GRID2: variants seen among roughly 807,000 people sequenced by gnomAD.
GRID2 encodes the protein glutamate ionotropic receptor delta type subunit 2.
Under a neutral mutation model 114.8 loss-of-function variants are expected in GRID2, and 33 were observed. The ratio of observed to expected loss-of-function variants is 0.29; its 90% confidence interval spans 0.22 to 0.38. The LOEUF is 0.38. Among genes scored for constraint, GRID2 ranks in the 10% least tolerant of loss-of-function variants. The pLI is 1.00. For synonymous variants in GRID2, 505 were observed against 449.9 expected (o/e 1.12, Z -1.55); for missense variants, 1,184 against 1,257.7 (o/e 0.94, Z 0.89).
intron 2 of GRID2, among the ~76,000 whole-genome samples, chr4:92,824,808 T>G (rs934588103): frequency 1.3e-5 from 2 of 152,112 alleles, no homozygotes; most frequent in Admixed American, 1.3e-4. Flanking sequence ...ACTTTACCTT[T>G]AGATATTGTT....
intron 1 of GRID2, among the ~76,000 whole-genome samples, chr4:92,513,983 C>G (rs1487937047): frequency 6.6e-6 from 1 of 151,828 alleles, no homozygotes; most frequent in Non-Finnish European, 1.5e-5. Flanking sequence ...AGGACCTAAG[C>G]TGTATTTTCA....
At chr4:93,292,027 A>G (rs1753810427) in intron 8 of GRID2, among the ~76,000 whole-genome samples, 1 of 152,186 alleles carries the variant, frequency 6.6e-6, no homozygotes, top group Non-Finnish European at 1.5e-5. Context: ...AATGGGGCCA[A>G]GAGAGCACCA....
At chr4:93,654,527 GC>G (rs1033010959) in intron 14 of GRID2, among the ~76,000 whole-genome samples, 2 of 152,104 alleles carry the variant, frequency 1.3e-5, no homozygotes, top group Non-Finnish European at 2.9e-5. Context: ...AGAATGAACT[GC>G]CTTGATTGCT....
chr4:93,518,725 AC>A (rs1275857933), intron 13 of GRID2, among the ~76,000 whole-genome samples: 5 of 152,096 alleles, frequency 3.3e-5, no homozygotes, highest in Admixed American at 2.6e-4. Flanking sequence ...GGAAGGCTTC[AC>A]TAAGAAAATA....
intron 1 of GRID2, among the ~76,000 whole-genome samples, chr4:92,515,731 A>G (rs1724467345): frequency 6.6e-6 from 1 of 151,958 alleles, no homozygotes; most frequent in Admixed American, 6.6e-5. Flanking sequence ...TTTATTGAGT[A>G]CCTACTAACG....
intron 2 of GRID2, among the ~76,000 whole-genome samples, chr4:92,639,440 G>T (rs987165731): frequency 6.6e-6 from 1 of 151,636 alleles, no homozygotes; most frequent in Non-Finnish European, 1.5e-5. Context: ...TTCTCATAGG[G>T]CATTGAAAGA....
chr4:92,985,391 T>C (rs1258434334), intron 2 of GRID2, among the ~76,000 whole-genome samples: 1 of 151,882 alleles, frequency 6.6e-6, no homozygotes, highest in Non-Finnish European at 1.5e-5. Context: ...CCCGCCACCA[T>C]GCCGGGCTAA....
intron 2 of GRID2, among the ~76,000 whole-genome samples, chr4:92,718,486 G>T (rs1269740130): frequency 2.0e-5 from 3 of 151,914 alleles, no homozygotes; most frequent in Non-Finnish European, 4.4e-5. Flanking sequence ...AAAATTTCAG[G>T]CCAGGAATGG....
intron 2 of GRID2, among the ~76,000 whole-genome samples, chr4:92,898,964 A>G (rs1483846083): frequency 6.6e-6 from 1 of 152,164 alleles, no homozygotes; most frequent in East Asian, 1.9e-4. Context: ...AAAGAGTTTT[A>G]CACAACATAA....
chr4:93,201,620 A>G (rs1742115315), intron 4 of GRID2, among the ~76,000 whole-genome samples: 1 of 152,220 alleles, frequency 6.6e-6, no homozygotes, highest in Admixed American at 6.5e-5. Flanking sequence ...TAATTTAGTT[A>G]AGCCACAAGG....
In GRID2 at chr4:93,231,775, T is replaced by C. The variant is rs148011049; in HGVS notation, c.1126-6596T>C. Among the ~76,000 whole-genome samples the C allele has an allele frequency of 4.9e-3, 744 of 152,284 alleles. 7 individuals are homozygous for C. The highest frequency in any genetic ancestry group is 0.017 in the African/African-American group (715 of 41,580). On this transcript the variant is annotated intron_variant, in intron 7 of 15. Transcript: ENST00000282020. ...CTGGTATTGTATTTGCATCAAACTT[T>C]CATCTCTTCCTCTGTCCAGTCCCTC...
intron 13 of GRID2, among the ~76,000 whole-genome samples, chr4:93,561,135 G>A (rs1316869867): frequency 6.6e-6 from 1 of 152,060 alleles, no homozygotes; most frequent in African/African-American, 2.4e-5. Flanking sequence ...GTCAGATAAT[G>A]GAATGGACAA....
intron 3 of GRID2, among the ~76,000 whole-genome samples, chr4:93,093,680 C>G (rs1730966193): frequency 6.6e-6 from 1 of 151,958 alleles, no homozygotes; most frequent in Non-Finnish European, 1.5e-5. Flanking sequence ...GCATTTTCCC[C>G]TCTTCCCCCA....
At chr4:93,343,454 A>T (rs1759867956) in intron 8 of GRID2, among the ~76,000 whole-genome samples, 1 of 152,108 alleles carries the variant, frequency 6.6e-6, no homozygotes, top group African/African-American at 2.4e-5. Flanking sequence ...TGTACGCTTC[A>T]TAAGACATTC....
chr4:92,342,567 T>C (rs1302336626), intron 1 of GRID2, among the ~76,000 whole-genome samples: 1 of 152,232 alleles, frequency 6.6e-6, no homozygotes, highest in Non-Finnish European at 1.5e-5. Context: ...TCATAACCTA[T>C]ACATATCAAT....
intron 2 of GRID2, among the ~76,000 whole-genome samples, chr4:92,742,435 T>A (rs1736938767): frequency 6.6e-6 from 1 of 152,118 alleles, no homozygotes; most frequent in Non-Finnish European, 1.5e-5. Context: ...TTCTTCTTCA[T>A]TTCTGTGTTA....
chr4:93,772,492 C>T lies in GRID2; in HGVS notation c.3018C>T (p.Ser1006=). The change falls in exon 16 of 16, where the codon TCC becomes TCT. Residue 1006 remains serine, a synonymous_variant. Transcript: ENST00000282020. ...NLGNDPDRGT[S]I is the part of the protein sequence containing the mutation. ...GTAATGATCCAGACCGAGGCACCTCCATATGAGCATCAAACAAATCTCTTC... is the reference window on the plus strand; with the variant it reads ...GTAATGATCCAGACCGAGGCACCTCTATATGAGCATCAAACAAATCTCTTC... 1.3e-6 allele frequency: 2 copies of T among 1,573,982 alleles called. No homozygotes were observed. Among genetic ancestry groups the T allele is most frequent in the Non-Finnish European group, 1.7e-6 (2 of 1,160,684 alleles).
At chr4:93,269,306 A>G (rs1751179553) in intron 8 of GRID2, among the ~76,000 whole-genome samples, 1 of 152,196 alleles carries the variant, frequency 6.6e-6, no homozygotes, top group African/African-American at 2.4e-5. Context: ...ATTTTTAAAA[A>G]AAGTTTTTGG....
intron 14 of GRID2, among the ~76,000 whole-genome samples, chr4:93,697,518 A>G (rs1727122477): frequency 6.6e-6 from 1 of 152,076 alleles, no homozygotes; most frequent in South Asian, 2.1e-4. Context: ...TTGGAAGCCA[A>G]GGTGGATTTG....
Sources: allele counts gnomAD v4.1 joint callset (sites outside exome capture counted in the v4.1 genomes callset), GRCh38; gene constraint gnomAD v4.1.1; transcripts MANE v1.5; gene names NCBI Gene and HGNC (gene_info 2026-07-23, HGNC 2026-07-21).